Variants in SGTA observed in about 807,000 individuals in gnomAD.
SGTA encodes small glutamine-rich tetratricopeptide repeat-containing protein alpha.
In SGTA, 22 loss-of-function variants were observed where a neutral mutation model predicts 44.3. The ratio of observed to expected loss-of-function variants is 0.50; its 90% CI spans 0.36 to 0.71. The LOEUF (loss-of-function observed/expected upper bound fraction) is 0.71. Among genes scored for constraint, SGTA ranks in the 30% least tolerant of loss-of-function variants. The pLI, the probability that SGTA is intolerant of heterozygous loss-of-function variation, is 0.00. For synonymous variants in SGTA, 174 were observed against 177.6 expected, an observed-to-expected ratio of 0.98 and a Z score of 0.16; for missense variants, 341 against 435.9, an observed-to-expected ratio of 0.78 and a Z score of 1.94.
In SGTA at chr19:2,762,548, G is replaced by T. The variant is rs747018743; in HGVS notation, c.594C>A (p.Asn198Lys). 1.2e-6 allele frequency: 2 copies of T among 1,614,094 alleles called. No homozygotes were observed. Among genetic ancestry groups the T allele is most frequent in the Non-Finnish European group, 1.7e-6 (2 of 1,179,990 alleles). Residue 198 changes from asparagine to lysine, a missense_variant, in exon 7 of 12, where the codon AAC (asparagine) becomes AAA (lysine). By Grantham distance (94) the Asn-to-Lys change is moderately conservative. Transcript: ENST00000221566. ...GCAGCTTCAGCTCCGCTATCTTGAG[G>T]TTGGACTTGTATGTCTCGTTGTCGG... The part of the protein sequence containing the change: ...LDPDNETYKS[N>K]LKIAELKLRE...
rs532534535 is a variant in SGTA at position 2,765,612 on chromosome 19, G to A, written c.293-327C>T. On this transcript the variant is annotated intron_variant, in intron 4 of 11. Coordinates refer to ENST00000221566, the MANE Select transcript of SGTA (RefSeq NM_003021.4). This position sits in a 1 kb window ranked among gnomAD's most constrained non-coding sequence, Gnocchi z 5.5. ...AGCAGAACAGTTAATACAGCTCACC[G>A]GCCCGGGGACGGAAACTGTCCCTTT... 6.6e-5 allele frequency among the ~76,000 whole-genome samples: 10 copies of A among 152,220 alleles called. No individual in the cohort carries two copies. Among genetic ancestry groups the A allele is most frequent in the African/African-American group, 2.2e-4 (9 of 41,454 alleles).
Position 2,766,422 on chromosome 19 carries a change from TTTTA to T in SGTA, c.292+710_292+713del, listed in dbSNP as rs904078951. The stretch of plus-strand genomic sequence containing the variant: ...AAGCTGTTTTTGCTTCTTTTTATTG[TTTTA>T]TTTTTTATTTTTTATTTTTTTTTGA... On this transcript the variant is annotated intron_variant, in intron 4 of 11. Coordinates refer to ENST00000221566, the MANE Select transcript of SGTA (RefSeq NM_003021.4). 2.0e-5 allele frequency among the ~76,000 whole-genome samples: 3 copies of T among 151,682 alleles called. No homozygotes were observed. In the East Asian group the frequency reaches 5.8e-4, roughly 29 times the overall value.
rs1197461824 is a variant in SGTA at position 2,765,944 on chromosome 19, C to A, written c.293-659G>T. Among the ~76,000 whole-genome samples the A allele has an allele frequency of 2.0e-5, 3 of 152,192 alleles. No individual in the cohort carries two copies. The highest frequency in any genetic ancestry group is 4.4e-5 in the Non-Finnish European group (3 of 68,044). ...TACGCTTTAAAAATATAAGCCCGGG[C>A]GCGGTGGCTCATGCTTATAATCCCA... On this transcript the variant is annotated intron_variant, in intron 4 of 11. Coordinates refer to ENST00000221566, the MANE Select transcript of SGTA (RefSeq NM_003021.4). This position sits in a 1 kb window ranked among gnomAD's most constrained non-coding sequence, Gnocchi z 5.5.
Position 2,765,223 on chromosome 19 carries a change from C to T in SGTA, c.355G>A (p.Glu119Lys), listed in dbSNP as rs1249525044. Reference protein sequence around the residue: ...AAVHFYGKAIELNPANAVYFC... With the variant: ...AAVHFYGKAIKLNPANAVYFC... ...TAGACGGCGTTGGCTGGGTTGAGCTCGATGGCTTTTCCGTAGAAATGCACG... is the reference window on the plus strand; with the variant it reads ...TAGACGGCGTTGGCTGGGTTGAGCTTGATGGCTTTTCCGTAGAAATGCACG... Residue 119 changes from glutamate (E) to lysine (K), a missense_variant, in exon 5 of 12, where the codon GAG becomes AAG. Coordinates refer to ENST00000221566, the MANE Select transcript of SGTA (RefSeq NM_003021.4). This position sits in a 1 kb window ranked among gnomAD's most constrained non-coding sequence, Gnocchi z 5.5. 2.5e-6 allele frequency: 4 copies of T among 1,614,120 alleles called. No homozygotes were observed. Among genetic ancestry groups the T allele is most frequent in the Admixed American group, 1.7e-5 (1 of 60,034 alleles).
chr19:2,776,415 G>A (rs1915446853), intron 1 of SGTA, among the ~76,000 whole-genome samples: 1 of 152,246 alleles, frequency 6.6e-6, no homozygotes, highest in Admixed American at 6.5e-5. Flanking sequence ...GGACCTTGAG[G>A]ACGTCGCACT....
At chr19:2,758,760 A>G (rs1346768703) in intron 9 of SGTA, among the ~76,000 whole-genome samples, 1 of 152,106 alleles carries the variant, frequency 6.6e-6, no homozygotes. Context: ...TGTGTGGATC[A>G]GCACAGCGTG....
intron 11 of SGTA, among the ~76,000 whole-genome samples, chr19:2,756,768 G>A (rs1914829489): frequency 6.6e-6 from 1 of 152,078 alleles, no homozygotes; most frequent in African/African-American, 2.4e-5. Context: ...AGGAAACCAA[G>A]CCAGCCACGG....
chr19:2,767,248 T>C lies in SGTA; in HGVS notation c.208-28A>G. 1 of 1,555,796 alleles carries C rather than the reference T, an allele frequency of 6.4e-7. No individual in the cohort carries two copies. Among genetic ancestry groups the C allele is most frequent in the Non-Finnish European group, 8.8e-7 (1 of 1,140,176 alleles). On this transcript the variant is annotated intron_variant, in intron 3 of 11. Coordinates refer to ENST00000221566, the MANE Select transcript of SGTA (RefSeq NM_003021.4). The surrounding 1 kb of genome is among the most constrained non-coding windows in gnomAD (Gnocchi z 7.3). ...GGACCCGGAGGCAAAGGCGGCCCGC[T>C]GTCCTCTCCTCCCAACCTGGCACCC...
Position 2,772,763 on chromosome 19 carries a change from AAATGGGT to A in SGTA, c.-23-3679_-23-3673del, listed in dbSNP as rs1393316372. On this transcript the variant is annotated intron_variant, in intron 1 of 11. Transcript: ENST00000221566. ...GAACACTGTGTGGATGTGAAGGCAG[AAATGGGT>A]GACGCGGCCACACGGCAGGGACACC... Among the ~76,000 whole-genome samples the A allele has an allele frequency of 3.4e-4, 50 of 147,256 alleles. 3 individuals carry two copies. Among genetic ancestry groups the A allele is most frequent in the African/African-American group, 1.3e-3 (47 of 37,036 alleles).
Position 2,760,175 on chromosome 19 carries a change from G to A in SGTA, c.700-881C>T, listed in dbSNP as rs537169353. Among the ~76,000 whole-genome samples, 11 of 152,196 alleles carry A rather than the reference G, an allele frequency of 7.2e-5. No individual in the cohort carries two copies. In the East Asian group the frequency reaches 2.1e-3, roughly 29 times the overall value. On this transcript the variant is annotated intron_variant, in intron 8 of 11. Coordinates refer to ENST00000221566, the MANE Select transcript of SGTA (RefSeq NM_003021.4). ...CTACTCAGCTCTGCCGCCGTATCATGAAAGCCACCAGTGACACTAGGTGTA... is the reference window on the plus strand; with the variant it reads ...CTACTCAGCTCTGCCGCCGTATCATAAAAGCCACCAGTGACACTAGGTGTA...
In SGTA at chr19:2,761,726, G is replaced by A. The variant is rs184277398; in HGVS notation, c.637-204C>T. Among the ~76,000 whole-genome samples, 244 of 151,538 alleles carry A rather than the reference G, an allele frequency of 1.6e-3. No individual in the cohort carries two copies. Among genetic ancestry groups the A allele is most frequent in the Middle Eastern group, 6.8e-3 (2 of 294 alleles). On this transcript the variant is annotated intron_variant, in intron 7 of 11. Coordinates refer to ENST00000221566, the MANE Select transcript of SGTA (RefSeq NM_003021.4). The surrounding 1 kb of genome is among the most constrained non-coding windows in gnomAD (Gnocchi z 5.7). ...GTCTGTCATCCCGTGTTTATTCCCC[G>A]CACAGCGCGACCGCCCGGGGACGGC...
chr19:2,767,414 TA>T lies in SGTA; in HGVS notation c.207+165del, dbSNP rs1915176042. On this transcript the variant is annotated intron_variant, in intron 3 of 11. Coordinates refer to ENST00000221566, the MANE Select transcript of SGTA (RefSeq NM_003021.4). This position sits in a 1 kb window ranked among gnomAD's most constrained non-coding sequence, Gnocchi z 7.3. ...CGCTATGTGTCTCAGGACCCGCCGA[TA>T]GGGGGAGGAGGGCCAAGTGCTCCTG... 2.0e-5 allele frequency among the ~76,000 whole-genome samples: 3 copies of T among 152,220 alleles called. No homozygotes were observed. The highest frequency in any genetic ancestry group is 2.4e-5 in the African/African-American group (1 of 41,552).
chr19:2,779,433 G>A (rs544670196), intron 1 of SGTA, among the ~76,000 whole-genome samples: 1 of 152,326 alleles, frequency 6.6e-6, no homozygotes, highest in African/African-American at 2.4e-5. Flanking sequence ...AAAGTTTTCT[G>A]CTCTTCAGAG....
At chr19:2,781,443 G>A (rs1362444467) in intron 1 of SGTA, among the ~76,000 whole-genome samples, 1 of 152,176 alleles carries the variant, frequency 6.6e-6, no homozygotes, top group East Asian at 1.9e-4. Flanking sequence ...TTCTTAGCTC[G>A]AAATCAACTA....
chr19:2,755,539 G>T lies in SGTA; in HGVS notation c.*401C>A. The T allele has an allele frequency of 1.0e-6, 1 of 986,356 alleles. No homozygotes were observed. Among genetic ancestry groups the T allele is most frequent in the Non-Finnish European group, 1.2e-6 (1 of 830,134 alleles). The allele number at this position is 986,356 out of a possible 1,614,324, so 61.1% of individuals were successfully genotyped here. A position where few individuals can be genotyped will look rare whatever the true frequency, so the allele number is the denominator to read the frequency against. On this transcript the variant is annotated 3_prime_UTR_variant, in exon 12 of 12. Coordinates refer to ENST00000221566, the MANE Select transcript of SGTA (RefSeq NM_003021.4). This position sits in a 1 kb window ranked among gnomAD's most constrained non-coding sequence, Gnocchi z 5.2. ...GGAGAGTTCCTGCAGACAGACCACG[G>T]GATGGGGGGCGGGGGCTGTAAAAGG...
chr19:2,776,491 G>A (rs2144740304), intron 1 of SGTA, among the ~76,000 whole-genome samples: 1 of 152,344 alleles, frequency 6.6e-6, no homozygotes, highest in Admixed American at 6.5e-5. Context: ...GGTCCCTAGA[G>A]TCGTTGGATT....
chr19:2,771,698 A>G (rs533600494), intron 1 of SGTA, among the ~76,000 whole-genome samples: 38 of 152,236 alleles, frequency 2.5e-4, no homozygotes, highest in Middle Eastern at 3.4e-3. Context: ...TGCTGAGGCT[A>G]TTCCAGAAAC....
chr19:2,769,212 C>T (rs933617915), intron 1 of SGTA, 121 bp from the exon 2 acceptor site: 6 of 623,796 alleles, frequency 9.6e-6, no homozygotes, highest in African/African-American at 1.8e-5. Flanking sequence ...AGCTCCAGGA[C>T]AGCCCAGGTA....
At position 2,767,505 on chromosome 19, in the gene SGTA, C is replaced by T. The variant is rs1332873615; in HGVS notation, c.207+75G>A. On this transcript the variant is annotated intron_variant, in intron 3 of 11. Coordinates refer to ENST00000221566, the MANE Select transcript of SGTA (RefSeq NM_003021.4). This position sits in a 1 kb window ranked among gnomAD's most constrained non-coding sequence, Gnocchi z 7.3. Reference sequence around the variant, plus strand: ...GCTGGGGGACGATGAGAGCGGGGCTCCTGGGGTCCCCAGGGCTGCCTGCTG... The same window carrying T: ...GCTGGGGGACGATGAGAGCGGGGCTTCTGGGGTCCCCAGGGCTGCCTGCTG... The T allele has an allele frequency of 8.0e-7, 1 of 1,248,428 alleles. No homozygotes were observed. The highest frequency in any genetic ancestry group is 1.2e-6 in the Non-Finnish European group (1 of 858,634). 77.3% of individuals were successfully genotyped at this position (1,248,428 alleles called of 1,614,324 possible). A position where few individuals can be genotyped will look rare whatever the true frequency, so the allele number is the denominator to read the frequency against.
Sources: gnomAD v4.1 joint callset for allele counts (sites outside exome capture counted in the v4.1 genomes callset) on GRCh38, gnomAD v4.1.1 for gene constraint, Gnocchi (gnomAD v3.1) non-coding constraint, MANE v1.5 for transcripts, NCBI Gene and HGNC (gene_info 2026-07-23, HGNC 2026-07-21) for gene names.